The following IMPG2 variants were observed in gnomAD, a reference collection of about 807,000 sequenced individuals.
IMPG2 encodes the protein IPM 200.
A neutral mutation model predicts 129.2 loss-of-function variants in IMPG2; 91 were observed. The observed-to-expected ratio is 0.70, with a 90% CI of 0.59 to 0.84. The LOEUF is 0.84. IMPG2 is among the 40% of genes least tolerant of loss of function. The pLI, the probability that IMPG2 is intolerant of heterozygous loss-of-function variation, is 0.00. For synonymous variants in IMPG2, 510 were observed against 517.7 expected (o/e 0.99, Z 0.20); for missense variants, 1,430 against 1,461.7 (o/e 0.98, Z 0.35).
intron 9 of IMPG2, among the ~76,000 whole-genome samples, chr3:101,263,612 G>C (rs574608006): frequency 2.0e-5 from 3 of 151,356 alleles, no homozygotes; most frequent in African/African-American, 7.3e-5. Context: ...AAAAGATTTC[G>C]AATAAACAAC....
chr3:101,257,697 G>A lies in IMPG2; in HGVS notation c.985C>T (p.His329Tyr), dbSNP rs1472136278. 1.2e-6 allele frequency: 2 copies of A among 1,613,338 alleles called. No individual in the cohort carries two copies. Among genetic ancestry groups the A allele is most frequent in the South Asian group, 1.1e-5 (1 of 91,080 alleles). Reference protein sequence around the residue: ...SNTTWDLISLHSNKVENHGLV... With the variant: ...SNTTWDLISLYSNKVENHGLV... Reference sequence around the variant, plus strand: ...CCATGGTTTTCCACCTTGTTGGAGTGAAGGCTAATGAGGTCCCAGGTGGTA... The same window carrying A: ...CCATGGTTTTCCACCTTGTTGGAGTAAAGGCTAATGAGGTCCCAGGTGGTA... The change falls in exon 10 of 19, where the codon CAC becomes TAC. Residue 329 changes from histidine to tyrosine, a missense_variant. Transcript: ENST00000193391.
At chr3:101,286,811 A>G (rs892550499) in intron 4 of IMPG2, among the ~76,000 whole-genome samples, 2 of 152,196 alleles carry the variant, frequency 1.3e-5, no homozygotes, top group Admixed American at 6.5e-5. Flanking sequence ...TGATGCACAG[A>G]AAGATGGGAC....
intron 10 of IMPG2, 93 bp from the exon 11 acceptor site, chr3:101,253,874 A>G (rs532431773): frequency 2.3e-6 from 2 of 864,148 alleles, no homozygotes; most frequent in South Asian, 1.4e-5. Context: ...CTTTCTCTTC[A>G]TTGTTTAGAT....
intron 15 of IMPG2, among the ~76,000 whole-genome samples, chr3:101,231,716 C>A (rs982431990): frequency 1.3e-5 from 2 of 152,202 alleles, no homozygotes; most frequent in African/African-American, 2.4e-5. Flanking sequence ...GGCATCTATG[C>A]CAACATTTGC....
chr3:101,232,199 C>T (rs1003906081), intron 15 of IMPG2, among the ~76,000 whole-genome samples: 1 of 151,688 alleles, frequency 6.6e-6, no homozygotes, highest in Non-Finnish European at 1.5e-5. Context: ...TCCATCTGCT[C>T]CAAGTAGTCT....
At chr3:101,307,955 C>A (rs114289322) in intron 2 of IMPG2, among the ~76,000 whole-genome samples, 1,972 of 152,236 alleles carry the variant, frequency 0.013, 17 homozygotes, top group Non-Finnish European at 0.02. Context: ...GGTAAATACA[C>A]CTGTTGCAAA....
At chr3:101,290,136 T>C (rs1706989773) in intron 4 of IMPG2, among the ~76,000 whole-genome samples, 1 of 152,154 alleles carries the variant, frequency 6.6e-6, no homozygotes. Context: ...AGTACAACTA[T>C]AGATTTACAG....
chr3:101,250,901 T>G (rs1706536702), intron 11 of IMPG2, among the ~76,000 whole-genome samples: 1 of 152,184 alleles, frequency 6.6e-6, no homozygotes, highest in African/African-American at 2.4e-5. Context: ...AAACTACATA[T>G]GTAGTCAGGG....
chr3:101,267,162 T>G (rs1160461825), intron 9 of IMPG2, among the ~76,000 whole-genome samples: 1 of 151,842 alleles, frequency 6.6e-6, no homozygotes, highest in Non-Finnish European at 1.5e-5. Flanking sequence ...TTGAAAAAAA[T>G]CAAAAAAAGA....
chr3:101,302,803 A>G (rs16843699), intron 3 of IMPG2, among the ~76,000 whole-genome samples: 19,649 of 152,178 alleles, frequency 0.13, 1,321 homozygotes, highest in Middle Eastern at 0.17. Context: ...GTGAGGTGCC[A>G]TGATTAAAAG....
At chr3:101,285,636 CATT>C in intron 4 of IMPG2, among the ~76,000 whole-genome samples, 1 of 152,144 alleles carries the variant, frequency 6.6e-6, no homozygotes, top group East Asian at 1.9e-4. Context: ...GTTTGAGAAA[CATT>C]ATCATGGAGA....
At chr3:101,303,552 C>T (rs555349664) in intron 3 of IMPG2, among the ~76,000 whole-genome samples, 10 of 152,288 alleles carry the variant, frequency 6.6e-5, no homozygotes, top group Admixed American at 2.0e-4. Context: ...GACAGTTTCA[C>T]TTTCTTGTCA....
At chr3:101,317,365 TTAGAAACACTTTTCAAA>T (rs2058791272) in intron 2 of IMPG2, among the ~76,000 whole-genome samples, 1 of 152,150 alleles carries the variant, frequency 6.6e-6, no homozygotes, top group African/African-American at 2.4e-5. Flanking sequence ...TGTGTCTTGC[TTAGAAACACTTTTCAAA>T]TTTGTTACAA....
At chr3:101,275,584 C>A (rs1706831649) in intron 6 of IMPG2, 79 bp downstream of exon 6, 3 of 1,052,526 alleles carry the variant, frequency 2.9e-6, no homozygotes, top group African/African-American at 1.5e-5. Context: ...CCTGTGTAGT[C>A]CAGCAATGGG....
intron 9 of IMPG2, among the ~76,000 whole-genome samples, chr3:101,262,588 C>A (rs1055608914): frequency 1.3e-5 from 2 of 151,670 alleles, no homozygotes; most frequent in African/African-American, 2.4e-5. Context: ...CCCCACACTA[C>A]AAGAAAGGAT....
chr3:101,229,310 A>AC, intron 17 of IMPG2, 70 bp downstream of exon 17: 3 of 348,662 alleles, frequency 8.6e-6, no homozygotes, highest in South Asian at 2.2e-5. Flanking sequence ...ACCCCCACCC[A>AC]CCACCCCCTG....
intron 11 of IMPG2, among the ~76,000 whole-genome samples, chr3:101,252,187 C>T (rs1706552007): frequency 6.6e-6 from 1 of 152,074 alleles, no homozygotes; most frequent in African/African-American, 2.4e-5. Flanking sequence ...AGCAGATCTT[C>T]CTGGTGTTCA....
intron 4 of IMPG2, 134 bp from the exon 5 acceptor site, chr3:101,276,847 G>A: frequency 1.5e-6 from 1 of 658,860 alleles, no homozygotes; most frequent in South Asian, 1.8e-5. Flanking sequence ...GTACCAAAAA[G>A]CAAAGTTTTT....
intron 4 of IMPG2, among the ~76,000 whole-genome samples, chr3:101,278,032 C>T (rs988703665): frequency 2.6e-5 from 4 of 152,078 alleles, no homozygotes; most frequent in African/African-American, 7.2e-5. Context: ...GCCAGCAGTT[C>T]GAGACCAGCC....
Sources: allele counts gnomAD v4.1 joint callset (sites outside exome capture counted in the v4.1 genomes callset), GRCh38; gene constraint gnomAD v4.1.1; transcripts MANE v1.5; gene names NCBI Gene and HGNC (gene_info 2026-07-23, HGNC 2026-07-21).